Variants in PDE9A observed in about 807,000 individuals in gnomAD.
The protein encoded by PDE9A is high affinity cGMP-specific 3',5'-cyclic phosphodiesterase 9A.
In PDE9A, 60 loss-of-function variants were observed where a neutral mutation model predicts 87.4. The observed-to-expected ratio is 0.69, with a 90% CI of 0.56 to 0.85. The LOEUF (loss-of-function observed/expected upper bound fraction) is 0.85, where lower values mean the gene tolerates loss of function less well. Among genes scored for constraint, PDE9A ranks in the 40% least tolerant of loss-of-function variants. The pLI is 0.00. For missense variants in PDE9A, 665 were observed against 779.0 expected (o/e 0.85, Z 1.74); for synonymous variants, 272 against 279.4 (o/e 0.97, Z 0.27).
intron 18 of PDE9A, among the ~76,000 whole-genome samples, chr21:42,771,996 G>C (rs770084067): frequency 2.0e-5 from 3 of 152,106 alleles, no homozygotes; most frequent in African/African-American, 7.2e-5. Context: ...TGCCTCTCTC[G>C]TGGGCCCTCC....
rs73362660 is a variant in PDE9A at position 42,733,569 on chromosome 21, T to C, written c.568+143T>C. On this transcript the variant is annotated intron_variant, in intron 7 of 19. Transcript: ENST00000291539. ...TTGTGAAATACTTGAAAATTACCTT[T>C]GATGTTAACAAAGGCTAGCACAGTG... is the stretch of plus-strand genomic sequence containing the variant. 264 of 637,818 alleles carry C rather than the reference T, an allele frequency of 4.1e-4. 1 individual carries two copies. The highest frequency in any genetic ancestry group is 3.7e-3 in the African/African-American group (199 of 54,490). The allele number at this position is 637,818 out of a possible 1,614,324, so 39.5% of individuals were successfully genotyped here.
intron 4 of PDE9A, among the ~76,000 whole-genome samples, chr21:42,720,843 T>C (rs139088505): frequency 6.6e-6 from 1 of 151,876 alleles, no homozygotes; most frequent in African/African-American, 2.4e-5. Context: ...CCATGTCTAC[T>C]AAAAATACAA....
At chr21:42,685,066 T>C (rs2059374713) in intron 1 of PDE9A, among the ~76,000 whole-genome samples, 1 of 151,796 alleles carries the variant, frequency 6.6e-6, no homozygotes, top group Admixed American at 6.5e-5. Context: ...GGACTTGTGC[T>C]GGAAAGAAAA....
rs2057383481 is a variant in PDE9A at position 42,660,269 on chromosome 21, T to G, written c.69+6386T>G. Among the ~76,000 whole-genome samples, 1 of 152,120 alleles carries G rather than the reference T, an allele frequency of 6.6e-6. No individual in the cohort carries two copies. Among genetic ancestry groups the G allele is most frequent in the African/African-American group, 2.4e-5 (1 of 41,436 alleles). ...AGCTGGGCCTGCCCCAGACAAAGCG[T>G]GTCTGCACTCCTTGGCTTTCTCCCC... On this transcript the variant is annotated intron_variant, in intron 1 of 19. Transcript: ENST00000291539. The surrounding 1 kb of genome is among the most constrained non-coding windows in gnomAD (Gnocchi z 4.7).
Position 42,769,168 on chromosome 21 carries a change from C to A in PDE9A, c.1590+13C>A. On this transcript the variant is annotated intron_variant, in intron 17 of 19. Transcript: ENST00000291539. ...AACAGTGACCAAGGTGAGTAACTGTCACCACATGTCACACTTGCTTACACT... is the reference window on the plus strand; with the variant it reads ...AACAGTGACCAAGGTGAGTAACTGTAACCACATGTCACACTTGCTTACACT... 1 of 1,565,436 alleles carries A rather than the reference C, an allele frequency of 6.4e-7. No individual in the cohort carries two copies. Among genetic ancestry groups the A allele is most frequent in the South Asian group, 1.2e-5 (1 of 82,706 alleles).
intron 7 of PDE9A, chr21:42,734,479 C>G (rs2052178214): frequency 6.6e-6 from 1 of 152,242 alleles, no homozygotes; most frequent in Non-Finnish European, 1.5e-5. Context: ...TATTTACCAA[C>G]TTAGGAACTA....
At chr21:42,657,827 C>T (rs948749162) in intron 1 of PDE9A, among the ~76,000 whole-genome samples, 13 of 152,236 alleles carry the variant, frequency 8.5e-5, no homozygotes, top group Non-Finnish European at 1.5e-4. Context: ...GCACTGTGCG[C>T]GGCCTCCCTG....
At chr21:42,665,940 G>A (rs561201640) in intron 1 of PDE9A, among the ~76,000 whole-genome samples, 4 of 152,358 alleles carry the variant, frequency 2.6e-5, no homozygotes, top group Admixed American at 6.5e-5. Flanking sequence ...ATGAGGCCCC[G>A]TTGAAGTCAG....
intron 1 of PDE9A, among the ~76,000 whole-genome samples, chr21:42,683,322 C>A (rs2059268374): frequency 6.6e-6 from 1 of 152,200 alleles, no homozygotes; most frequent in Admixed American, 6.5e-5. Context: ...GGGGGTCAGT[C>A]ATCGGAGGTG....
chr21:42,712,067 T>C (rs2049392001), intron 4 of PDE9A, among the ~76,000 whole-genome samples: 5 of 138,528 alleles, frequency 3.6e-5, no homozygotes, highest in Admixed American at 3.5e-4. Flanking sequence ...CTTGTCAATT[T>C]CAAAAAAAAA....
In PDE9A at chr21:42,659,619, C is replaced by T. The variant is rs961782426; in HGVS notation, c.69+5736C>T. 4.6e-5 allele frequency among the ~76,000 whole-genome samples: 7 copies of T among 152,372 alleles called. No homozygotes were observed. Among genetic ancestry groups the T allele is most frequent in the African/African-American group, 1.7e-4 (7 of 41,584 alleles). ...GACGCTTCTCTCATCCTGGACCCAT[C>T]AGCCCGGAAGACTCTGGAAGCAGCA... On this transcript the variant is annotated intron_variant, in intron 1 of 19. Transcript: ENST00000291539. The surrounding 1 kb of genome is among the most constrained non-coding windows in gnomAD (Gnocchi z 4.1).
intron 3 of PDE9A, among the ~76,000 whole-genome samples, chr21:42,691,129 C>T (rs1011401951): frequency 2.6e-5 from 4 of 151,766 alleles, no homozygotes; most frequent in Admixed American, 2.0e-4. Context: ...GACCTATCAC[C>T]ATCATCATCC....
intron 1 of PDE9A, among the ~76,000 whole-genome samples, chr21:42,679,326 C>T (rs1294866750): frequency 1.3e-5 from 2 of 152,220 alleles, no homozygotes; most frequent in African/African-American, 2.4e-5. Context: ...TCATCCCTCG[C>T]TCCGTCTCCC....
intron 3 of PDE9A, chr21:42,689,465 C>T (rs2059668498): frequency 2.2e-6 from 2 of 891,342 alleles, no homozygotes; most frequent in Admixed American, 6.2e-5. Flanking sequence ...CGCTCAGAAG[C>T]AAAGTCACTG....
intron 7 of PDE9A, among the ~76,000 whole-genome samples, chr21:42,737,552 C>G (rs532548944): frequency 3.3e-5 from 5 of 152,166 alleles, no homozygotes; most frequent in Non-Finnish European, 7.3e-5. Flanking sequence ...CTCTGCCCCC[C>G]GAAGACAGGA....
intron 4 of PDE9A, among the ~76,000 whole-genome samples, chr21:42,730,044 C>G (rs559432792): frequency 3.3e-5 from 5 of 152,298 alleles, no homozygotes; most frequent in African/African-American, 1.2e-4. Context: ...TCTCAAGACT[C>G]TGAGATCATT....
intron 1 of PDE9A, among the ~76,000 whole-genome samples, chr21:42,663,172 A>G (rs1481074554): frequency 6.8e-6 from 1 of 147,822 alleles, no homozygotes; most frequent in Non-Finnish European, 1.5e-5. Flanking sequence ...TCACACACAC[A>G]TCACACACAT....
At chr21:42,769,641 C>T (rs1265700625) in intron 17 of PDE9A, among the ~76,000 whole-genome samples, 3 of 45,072 alleles carry the variant, frequency 6.7e-5, no homozygotes, top group Non-Finnish European at 1.2e-4. Flanking sequence ...CAGGCACACA[C>T]AGGGACACAC....
intron 4 of PDE9A, chr21:42,724,684 G>A (rs78583822): frequency 0.075 from 53,529 of 718,480 alleles, 2,223 homozygotes; most frequent in Middle Eastern, 0.097. Flanking sequence ...CACTGGGAGC[G>A]CAGCTTTGTG....
Sources: gnomAD v4.1 joint callset for allele counts (sites outside exome capture counted in the v4.1 genomes callset) on GRCh38, gnomAD v4.1.1 for gene constraint, Gnocchi (gnomAD v3.1) non-coding constraint, MANE v1.5 for transcripts, NCBI Gene and HGNC (gene_info 2026-07-23, HGNC 2026-07-21) for gene names.